Variants in TSHZ2 observed in about 807,000 individuals in gnomAD.
TSHZ2 encodes teashirt zinc finger homeobox 2.
Under a neutral mutation model 74.4 loss-of-function variants are expected in TSHZ2, and 21 were observed. That is an observed-to-expected ratio of 0.28 (90% CI 0.20 to 0.41). The LOEUF is 0.41. TSHZ2 is among the 10% of genes least tolerant of loss of function. TSHZ2 has a pLI of 1.00. For missense variants in TSHZ2, 1,244 were observed against 1,293.5 expected, an observed-to-expected ratio of 0.96 and a Z score of 0.59; for synonymous variants, 540 against 515.3, an observed-to-expected ratio of 1.05 and a Z score of -0.65.
intron 1 of TSHZ2, among the ~76,000 whole-genome samples, chr20:53,085,660 G>A (rs1041572099): frequency 6.6e-6 from 1 of 152,172 alleles, no homozygotes; most frequent in Non-Finnish European, 1.5e-5. Context: ...AGGAAATGAA[G>A]GCCCCTGAAA....
intron 1 of TSHZ2, among the ~76,000 whole-genome samples, chr20:53,006,300 T>C (rs936482607): frequency 6.6e-6 from 1 of 152,226 alleles, no homozygotes; most frequent in African/African-American, 2.4e-5. Context: ...AAAAAAGTGA[T>C]ATTTTCCCTA....
chr20:53,472,619 C>A (rs1332254887), intron 2 of TSHZ2, among the ~76,000 whole-genome samples: 1 of 152,046 alleles, frequency 6.6e-6, no homozygotes, highest in Non-Finnish European at 1.5e-5. Context: ...CTGGAAGATG[C>A]TGCTTAGAAA....
intron 1 of TSHZ2, among the ~76,000 whole-genome samples, chr20:53,011,170 G>A (rs767593767): frequency 7.9e-5 from 12 of 152,162 alleles, no homozygotes; most frequent in Non-Finnish European, 1.5e-4. Context: ...CCTCAGATGA[G>A]TTAATATTTG....
chr20:53,011,929 G>A (rs1982865784), intron 1 of TSHZ2, among the ~76,000 whole-genome samples: 1 of 152,068 alleles, frequency 6.6e-6, no homozygotes, highest in Non-Finnish European at 1.5e-5. Flanking sequence ...ACAAAACAAA[G>A]TTATGAGGTA....
In TSHZ2 at chr20:53,163,721, A is replaced by G. The variant is rs989565805; in HGVS notation, c.41-89778A>G. Among the ~76,000 whole-genome samples the G allele has an allele frequency of 2.0e-4, 31 of 152,276 alleles. 1 individual carries two copies. The highest frequency in any genetic ancestry group is 6.7e-4 in the African/African-American group (28 of 41,568). On this transcript the variant is annotated intron_variant, in intron 1 of 2. Transcript: ENST00000371497. ...CCAGAAATCACTTGCCAAAAACTAC[A>G]TGAGTTAACTTAGGAGTGGACTCTT...
intron 1 of TSHZ2, among the ~76,000 whole-genome samples, chr20:53,046,366 A>C (rs1174485241): frequency 6.6e-6 from 1 of 152,102 alleles, no homozygotes; most frequent in Non-Finnish European, 1.5e-5. Context: ...CATCCAGGGC[A>C]CTCGATGGTG....
chr20:53,181,081 T>G (rs1159421555), intron 1 of TSHZ2, among the ~76,000 whole-genome samples: 1 of 152,192 alleles, frequency 6.6e-6, no homozygotes, highest in African/African-American at 2.4e-5. Flanking sequence ...TCCCCAGCTC[T>G]TCGCTGTCTC....
At chr20:53,261,171 T>G (rs764666027) in intron 2 of TSHZ2, among the ~76,000 whole-genome samples, 2 of 152,200 alleles carry the variant, frequency 1.3e-5, no homozygotes, top group Non-Finnish European at 2.9e-5. Flanking sequence ...CATGGCTGGA[T>G]GTACCTCCAA....
intron 1 of TSHZ2, among the ~76,000 whole-genome samples, chr20:53,064,061 G>A (rs1025772493): frequency 6.6e-6 from 1 of 152,158 alleles, no homozygotes; most frequent in Non-Finnish European, 1.5e-5. Context: ...AGGGTTATTT[G>A]AGGCATTTAA....
intron 2 of TSHZ2, among the ~76,000 whole-genome samples, chr20:53,463,810 G>GAGTCACTT (rs1470705112): frequency 2.0e-5 from 3 of 152,200 alleles, no homozygotes; most frequent in African/African-American, 7.2e-5. Context: ...GGACATCTCT[G>GAGTCACTT]AGTCACTTAT....
In TSHZ2 at chr20:53,121,266, G is replaced by A. The variant is rs1986802620; in HGVS notation, c.41-132233G>A. On this transcript the variant is annotated intron_variant, in intron 1 of 2. Transcript: ENST00000371497. ...TTCTGCCTCAAATTGTCTTCCTTTA[G>A]AACTCATACATGTCTCATTACTAAA... 3.3e-5 allele frequency among the ~76,000 whole-genome samples: 5 copies of A among 151,938 alleles called. No homozygotes were observed. In the South Asian group the frequency reaches 1.0e-3, roughly 32 times the overall value.
chr20:53,409,348 C>T (rs552057304), intron 2 of TSHZ2, among the ~76,000 whole-genome samples: 66 of 152,030 alleles, frequency 4.3e-4, no homozygotes, highest in South Asian at 6.2e-4. Context: ...CATGTTGTGG[C>T]GCCTACTTAA....
At chr20:53,224,963 G>C (rs937589101) in intron 1 of TSHZ2, among the ~76,000 whole-genome samples, 1 of 152,070 alleles carries the variant, frequency 6.6e-6, no homozygotes, top group Non-Finnish European at 1.5e-5. Context: ...GCTTAAATCA[G>C]AGTCATCAAA....
intron 1 of TSHZ2, among the ~76,000 whole-genome samples, chr20:53,021,774 A>AGAT (rs941047541): frequency 7.9e-5 from 12 of 152,304 alleles, no homozygotes; most frequent in African/African-American, 2.9e-4. Flanking sequence ...GCCATGTGCT[A>AGAT]GATGGCAAGG....
intron 2 of TSHZ2, among the ~76,000 whole-genome samples, chr20:53,434,664 C>T (rs1325528971): frequency 6.6e-6 from 1 of 152,204 alleles, no homozygotes; most frequent in Non-Finnish European, 1.5e-5. Context: ...ACACACAGAA[C>T]CAAACAGAAC....
chr20:53,411,909 CAA>C (rs367833471), intron 2 of TSHZ2, among the ~76,000 whole-genome samples: 14 of 152,322 alleles, frequency 9.2e-5, no homozygotes, highest in African/African-American at 2.6e-4. Context: ...GAACATTTAA[CAA>C]AGAGTCCCAC....
Position 53,255,438 on chromosome 20 carries a change from G to C in TSHZ2, c.1980G>C (p.Glu660Asp). ...PLKEEEKLMK[E>D]GSEKEKPQPL... ...AGGAGGAGGAGAAGCTGATGAAAGA[G>C]GGCAGCGAGAAGGAGAAACCCCAGC... The change falls in exon 2 of 3, where the codon GAG becomes GAC. Residue 660 changes from glutamate (E) to aspartate (D), a missense_variant. Glu to Asp is a conservative substitution (Grantham distance 45). This residue lies in a region of TSHZ2 where 562 missense variants were observed against 544.0 expected (regional missense o/e 1.03). Coordinates refer to ENST00000371497, the MANE Select transcript of TSHZ2 (RefSeq NM_173485.6). This position sits in a 1 kb window ranked among gnomAD's most constrained non-coding sequence, Gnocchi z 4.1. 1.2e-6 allele frequency: 2 copies of C among 1,612,100 alleles called. No individual in the cohort carries two copies. Among genetic ancestry groups the C allele is most frequent in the Non-Finnish European group, 1.7e-6 (2 of 1,180,004 alleles).
intron 2 of TSHZ2, among the ~76,000 whole-genome samples, chr20:53,408,684 C>T (rs1001040710): frequency 5.3e-5 from 8 of 152,194 alleles, no homozygotes; most frequent in African/African-American, 1.9e-4. Context: ...AAGAGCTGGC[C>T]TTGTTTAAAG....
intron 2 of TSHZ2, among the ~76,000 whole-genome samples, chr20:53,401,470 T>G (rs1982655593): frequency 6.6e-6 from 1 of 152,192 alleles, no homozygotes; most frequent in East Asian, 1.9e-4. Flanking sequence ...AGTGGTGATT[T>G]CTGAGATTTT....
Sources: allele counts gnomAD v4.1 joint callset (sites outside exome capture counted in the v4.1 genomes callset), GRCh38; gene constraint gnomAD v4.1.1; regional missense constraint gnomAD v4.1.1; non-coding constraint Gnocchi (gnomAD v3.1); transcripts MANE v1.5; gene names NCBI Gene and HGNC (gene_info 2026-07-23, HGNC 2026-07-21).